Variants in CELF2 observed in about 807,000 individuals in gnomAD.
CELF2 encodes the protein CUGBP Elav-like family member 2, also known as CUG triplet repeat RNA-binding protein 2.
Under a neutral mutation model 62.6 loss-of-function variants are expected in CELF2, and 8 were observed. The ratio of observed to expected loss-of-function variants is 0.13; its 90% CI spans 0.07 to 0.23. The LOEUF (loss-of-function observed/expected upper bound fraction) is 0.23. Among genes scored for constraint, CELF2 ranks in the 10% least tolerant of loss-of-function variants. The pLI, the probability that CELF2 is intolerant of heterozygous loss-of-function variation, is 1.00. For missense variants in CELF2, 333 were observed against 671.0 expected, an observed-to-expected ratio of 0.50 and a Z score of 5.56; for synonymous variants, 258 against 250.0, an observed-to-expected ratio of 1.03 and a Z score of -0.30.
the CELF2 span, among the ~76,000 whole-genome samples, chr10:10,661,268 T>G: frequency 2.6e-5 from 4 of 152,238 alleles, no homozygotes; most frequent in Admixed American, 2.6e-4. Context: ...AATCATATAG[T>G]GTCTCCTTTT....
At chr10:10,491,446 A>G in the CELF2 span, among the ~76,000 whole-genome samples, 27 of 152,172 alleles carry the variant, frequency 1.8e-4, no homozygotes, top group Non-Finnish European at 4.0e-4. Flanking sequence ...CTTCAGGAAG[A>G]TAATCTTCAT....
At chr10:10,524,258 G>A in the CELF2 span, among the ~76,000 whole-genome samples, 1 of 152,040 alleles carries the variant, frequency 6.6e-6, no homozygotes, top group Non-Finnish European at 1.5e-5. Flanking sequence ...AAGTAAATAT[G>A]TTTCTAAGAG....
the CELF2 span, among the ~76,000 whole-genome samples, chr10:10,637,879 C>CTA: frequency 1.3e-5 from 2 of 152,060 alleles, no homozygotes; most frequent in African/African-American, 4.8e-5. Flanking sequence ...TTTCTGAGGT[C>CTA]CTGAAGAACA....
the CELF2 span, among the ~76,000 whole-genome samples, chr10:10,485,030 C>T: frequency 1.3e-5 from 2 of 152,156 alleles, no homozygotes; most frequent in Admixed American, 6.5e-5. Flanking sequence ...CCAGGAATTG[C>T]CCTCTAGGGA....
Position 10,891,454 on chromosome 10 carries a change from C to T in CELF2, c.54-28510C>T, listed in dbSNP as rs532835454. Among the ~76,000 whole-genome samples the T allele has an allele frequency of 6.3e-4, 95 of 151,810 alleles. No individual in the cohort carries two copies. The South Asian group carries it at 0.019, about 31-fold the overall frequency. On this transcript the variant is annotated intron_variant, in intron 1 of 13. Coordinates refer to the CELF2 transcript ENST00000636488. Reference sequence around the variant, plus strand: ...CATCAGCAGCAGCAGCACCTTTTACCGAATGTCTTCTCTGTGCCAGATGCA... The same window carrying T: ...CATCAGCAGCAGCAGCACCTTTTACTGAATGTCTTCTCTGTGCCAGATGCA...
At position 11,246,929 on chromosome 10, in the gene CELF2, C is replaced by T. The variant is rs530557551; in HGVS notation, c.355-2224C>T. ...CATGTCCAGACCTGCGCTCGTCAGC[C>T]GCCTCTGAAACTCTTTGCTCATGCT... is the stretch of plus-strand genomic sequence containing the variant. On this transcript the variant is annotated intron_variant, in intron 3 of 12. Transcript: ENST00000633077. The surrounding 1 kb of genome is among the most constrained non-coding windows in gnomAD (Gnocchi z 4.6). Among the ~76,000 whole-genome samples the T allele has an allele frequency of 4.6e-5, 7 of 152,300 alleles. No homozygotes were observed. The East Asian group carries it at 1.4e-3, about 29-fold the overall frequency.
In CELF2 at chr10:11,237,536, A is replaced by G. The variant is rs190609639; in HGVS notation, c.355-11617A>G. Among the ~76,000 whole-genome samples, 12 of 152,302 alleles carry G rather than the reference A, an allele frequency of 7.9e-5. No individual in the cohort carries two copies. Among genetic ancestry groups the G allele is most frequent in the Admixed American group, 5.2e-4 (8 of 15,298 alleles). ...ATCCAGGTGAGGAGACTTGTTCCCA[A>G]TTTGAGGCCAGCACATGTACCAGGT... On this transcript the variant is annotated intron_variant, in intron 3 of 12. Transcript: ENST00000633077. This position sits in a 1 kb window ranked among gnomAD's most constrained non-coding sequence, Gnocchi z 4.0.
the CELF2 span, among the ~76,000 whole-genome samples, chr10:10,543,628 C>T: frequency 6.6e-6 from 1 of 152,128 alleles, no homozygotes. Flanking sequence ...GGGTGGATCA[C>T]CTGAGGTCAG....
chr10:10,527,011 C>T, the CELF2 span, among the ~76,000 whole-genome samples: 1 of 152,346 alleles, frequency 6.6e-6, no homozygotes, highest in South Asian at 2.1e-4. Context: ...GGTTTCATTA[C>T]AAGTGAAAAC....
the CELF2 span, among the ~76,000 whole-genome samples, chr10:10,580,126 T>C: frequency 6.6e-6 from 1 of 152,126 alleles, no homozygotes; most frequent in Non-Finnish European, 1.5e-5. Context: ...TATTACAAAA[T>C]ATGTTTTCAT....
intron 1 of CELF2, among the ~76,000 whole-genome samples, chr10:10,832,973 A>G (rs148301729): frequency 0.01 from 1,563 of 150,544 alleles, 23 homozygotes; most frequent in Middle Eastern, 0.041. Context: ...CTCACCGACA[A>G]TTTTTGAAGT....
chr10:11,184,824 C>G (rs1197561009), intron 2 of CELF2, among the ~76,000 whole-genome samples: 1 of 152,172 alleles, frequency 6.6e-6, no homozygotes. Context: ...ATGGTCGTGT[C>G]ATTTGCACAT....
intron 2 of CELF2, among the ~76,000 whole-genome samples, chr10:11,192,107 C>T (rs1029714990): frequency 1.3e-5 from 2 of 152,224 alleles, no homozygotes; most frequent in African/African-American, 4.8e-5. Context: ...ACCTGCTCAG[C>T]TGTGCACCCC....
At chr10:10,587,572 A>C in the CELF2 span, among the ~76,000 whole-genome samples, 1 of 152,078 alleles carries the variant, frequency 6.6e-6, no homozygotes, top group Non-Finnish European at 1.5e-5. Flanking sequence ...CATAAAATAA[A>C]CATCTTTAAC....
At chr10:10,693,871 T>C in the CELF2 span, among the ~76,000 whole-genome samples, 3 of 149,958 alleles carry the variant, frequency 2.0e-5, no homozygotes, top group East Asian at 3.9e-4. Context: ...CCTTTATCAT[T>C]TTTTATTGCG....
the CELF2 span, among the ~76,000 whole-genome samples, chr10:10,781,370 T>C: frequency 6.6e-6 from 1 of 152,158 alleles, no homozygotes; most frequent in African/African-American, 2.4e-5. Flanking sequence ...AATAAAGACA[T>C]ACAGAAGACT....
the CELF2 span, among the ~76,000 whole-genome samples, chr10:10,752,020 C>T: frequency 7.9e-5 from 12 of 152,190 alleles, no homozygotes; most frequent in Non-Finnish European, 1.5e-4. Context: ...TGACCTGCTT[C>T]GGTCACTGAA....
the CELF2 span, among the ~76,000 whole-genome samples, chr10:10,588,437 C>T: frequency 6.6e-6 from 1 of 152,164 alleles, no homozygotes; most frequent in Non-Finnish European, 1.5e-5. Context: ...ATTCTGTGAA[C>T]TTGAGGTTGG....
the CELF2 span, among the ~76,000 whole-genome samples, chr10:10,494,412 G>C: frequency 2.0e-5 from 3 of 152,330 alleles, no homozygotes; most frequent in East Asian, 5.8e-4. Flanking sequence ...CCCACTCAGA[G>C]AAATGGGCAT....
Sources: gnomAD v4.1 joint callset for allele counts (sites outside exome capture counted in the v4.1 genomes callset) on GRCh38, gnomAD v4.1.1 for gene constraint, Gnocchi (gnomAD v3.1) non-coding constraint, MANE v1.5 for transcripts, NCBI Gene and HGNC (gene_info 2026-07-23, HGNC 2026-07-21) for gene names.